Variants in PLCG2 observed in about 807,000 individuals in gnomAD.
The protein encoded by PLCG2 is phospholipase C gamma 2.
In PLCG2, 69 loss-of-function variants were observed where a neutral mutation model predicts 175.6. The observed-to-expected ratio is 0.39, with a 90% CI of 0.32 to 0.48. The LOEUF is 0.48. Ranked by LOEUF, PLCG2 falls within the 20% of genes least tolerant of loss-of-function variation. The pLI is 0.91. For missense variants in PLCG2, 1,798 were observed against 1,650.9 expected (o/e 1.09, Z -1.54); for synonymous variants, 827 against 624.0 (o/e 1.33, Z -4.85).
At chr16:81,925,289 TCCAA>T (rs1180970791) in intron 22 of PLCG2, among the ~76,000 whole-genome samples, 1 of 152,082 alleles carries the variant, frequency 6.6e-6, no homozygotes, top group Non-Finnish European at 1.5e-5. Context: ...TTTGCATACT[TCCAA>T]ACTGGTTCCC....
intron 2 of PLCG2, among the ~76,000 whole-genome samples, chr16:81,826,616 C>T (rs1471551089): frequency 6.6e-6 from 1 of 152,178 alleles, no homozygotes; most frequent in Non-Finnish European, 1.5e-5. Flanking sequence ...ATACTCAGTG[C>T]TTCAAATGGT....
chr16:81,896,255 G>A (rs982763370), intron 13 of PLCG2, among the ~76,000 whole-genome samples: 1 of 152,144 alleles, frequency 6.6e-6, no homozygotes, highest in African/African-American at 2.4e-5. Context: ...AAGGCTGGGC[G>A]CAGTGGCTCA....
chr16:81,899,270 G>GTATA (rs369588165), intron 13 of PLCG2, among the ~76,000 whole-genome samples: 1,743 of 147,676 alleles, frequency 0.012, 37 homozygotes, highest in African/African-American at 0.039. Context: ...GAGTATGTGT[G>GTATA]TATATATATA....
chr16:81,811,315 C>G (rs1904318445), intron 2 of PLCG2, among the ~76,000 whole-genome samples: 1 of 152,012 alleles, frequency 6.6e-6, no homozygotes, highest in South Asian at 2.1e-4. Flanking sequence ...GGTTAGTGCT[C>G]AGTTATGAGC....
At chr16:81,817,345 G>A (rs1351362214) in intron 2 of PLCG2, among the ~76,000 whole-genome samples, 3 of 152,226 alleles carry the variant, frequency 2.0e-5, no homozygotes, top group Admixed American at 1.3e-4. Flanking sequence ...GAATTAGTGC[G>A]TGTGAAGCAC....
In PLCG2 at chr16:81,962,527, G is replaced by A. The variant is rs1911814386; in HGVS notation, c.*4529G>A. 4.6e-6 allele frequency: 1 copy of A among 216,314 alleles called. No homozygotes were observed. Among genetic ancestry groups the A allele is most frequent in the Non-Finnish European group, 9.3e-6 (1 of 107,626 alleles). The allele number at this position is 216,314 out of a possible 1,614,324, so 13.4% of individuals were successfully genotyped here. A position where few individuals can be genotyped will look rare whatever the true frequency, so the allele number is the denominator to read the frequency against. ...TAAGAAGCTGCATTTGTAAACTTGTGTTTCATTATTAAAGCTTAATTTATT... is the reference window on the plus strand; with the variant it reads ...TAAGAAGCTGCATTTGTAAACTTGTATTTCATTATTAAAGCTTAATTTATT... On this transcript the variant is annotated 3_prime_UTR_variant, in exon 33 of 33. Transcript: ENST00000564138.
In PLCG2 at chr16:81,744,398, C is replaced by T. The variant is rs566409739; in HGVS notation, c.-145+5013C>T. 3.8e-3 allele frequency among the ~76,000 whole-genome samples: 572 copies of T among 152,200 alleles called. 4 individuals are homozygous for T. Among genetic ancestry groups the T allele is most frequent in the African/African-American group, 0.013 (551 of 41,506 alleles). On this transcript the variant is annotated intron_variant, in intron 1 of 5. Transcript: ENST00000565054. Reference sequence around the variant, plus strand: ...CAGGATGGTCTCAATCTCCTGACCTCTTGATCTGCCCGCCTTGCCCTCCCA... The same window carrying T: ...CAGGATGGTCTCAATCTCCTGACCTTTTGATCTGCCCGCCTTGCCCTCCCA...
chr16:81,789,866 T>A (rs561885093), intron 2 of PLCG2, among the ~76,000 whole-genome samples: 16 of 118,736 alleles, frequency 1.3e-4, no homozygotes, highest in East Asian at 3.6e-4. Context: ...TTGCCTCCCC[T>A]CTGTCATTTG....
intron 6 of PLCG2, among the ~76,000 whole-genome samples, chr16:81,870,125 A>G (rs1050145474): frequency 2.0e-5 from 3 of 152,232 alleles, no homozygotes; most frequent in Non-Finnish European, 4.4e-5. Flanking sequence ...CCAATAATAG[A>G]AAAAGAGAAA....
chr16:81,894,345 C>T lies in PLCG2; in HGVS notation c.1072+551C>T, dbSNP rs1291357522. On this transcript the variant is annotated intron_variant, in intron 12 of 32. Coordinates refer to ENST00000564138, the MANE Select transcript of PLCG2 (RefSeq NM_002661.5). ...TTGGGAGGCTGAGGTGGGAGGATCG[C>T]TTGAGCCCAGGAGGTTGAGGCTGTG... Among the ~76,000 whole-genome samples the T allele has an allele frequency of 3.9e-5, 6 of 152,198 alleles. No individual in the cohort carries two copies. The South Asian group carries it at 8.3e-4, about 21-fold the overall frequency.
intron 2 of PLCG2, among the ~76,000 whole-genome samples, chr16:81,807,163 G>T (rs544404030): frequency 1.3e-5 from 2 of 152,118 alleles, no homozygotes; most frequent in Non-Finnish European, 2.9e-5. Flanking sequence ...CTTGTTGAAC[G>T]TGGTGATTCA....
At chr16:81,951,476 G>A (rs1319747401) in intron 31 of PLCG2, among the ~76,000 whole-genome samples, 1 of 149,000 alleles carries the variant, frequency 6.7e-6, no homozygotes, top group South Asian at 2.3e-4. Context: ...GGATCTAGAT[G>A]GTTTTATAGC....
chr16:81,884,038 C>G (rs527259364), intron 9 of PLCG2, among the ~76,000 whole-genome samples: 2 of 152,256 alleles, frequency 1.3e-5, no homozygotes, highest in South Asian at 4.1e-4. Flanking sequence ...ACAGGGCAGC[C>G]CCCCCTACCC....
chr16:81,787,393 A>ATTTTTTTTT (rs67160306), intron 2 of PLCG2, among the ~76,000 whole-genome samples: 8,363 of 94,162 alleles, frequency 0.089, 1,044 homozygotes, highest in Non-Finnish European at 0.11. Flanking sequence ...GGATAATTTA[A>ATTTTTTTTT]TTTTTTTTTT....
intron 2 of PLCG2, among the ~76,000 whole-genome samples, chr16:81,759,849 G>A (rs958075045): frequency 2.0e-5 from 3 of 152,218 alleles, no homozygotes; most frequent in Admixed American, 1.3e-4. Context: ...AATGTAGGCC[G>A]GGCGTGGTGG....
At chr16:81,942,160 C>T (rs1910967666) in intron 30 of PLCG2, among the ~76,000 whole-genome samples, 1 of 152,156 alleles carries the variant, frequency 6.6e-6, no homozygotes, top group African/African-American at 2.4e-5. Context: ...GTGCTGAAAC[C>T]CCTTGGTTAC....
Position 81,959,813 on chromosome 16 carries a change from C to T in PLCG2, c.*1815C>T, listed in dbSNP as rs1194880076. 1 of 185,838 alleles carries T rather than the reference C, an allele frequency of 5.4e-6. No individual in the cohort carries two copies. Among genetic ancestry groups the T allele is most frequent in the Admixed American group, 6.2e-5 (1 of 16,092 alleles). 11.5% of individuals were successfully genotyped at this position (185,838 alleles called of 1,614,324 possible). On this transcript the variant is annotated 3_prime_UTR_variant, in exon 33 of 33. Coordinates refer to ENST00000564138, the MANE Select transcript of PLCG2 (RefSeq NM_002661.5). ...TATTGCACCTGGCATCTCCCCCAAC[C>T]CCTCTCAGCTCTGTTAGGACTTCCA...
At chr16:81,885,929 C>G (rs895668035) in intron 9 of PLCG2, among the ~76,000 whole-genome samples, 3 of 152,142 alleles carry the variant, frequency 2.0e-5, no homozygotes, top group Admixed American at 6.5e-5. Context: ...CAACCTGAGA[C>G]TAAGTTTGAG....
chr16:81,921,065 A>G (rs1235907955), intron 20 of PLCG2, 133 bp from the exon 21 acceptor site: 2 of 593,442 alleles, frequency 3.4e-6, no homozygotes, highest in Non-Finnish European at 5.9e-6. Flanking sequence ...ATGGGCCAAA[A>G]GAAAATTCTA....
Sources: gnomAD v4.1 joint callset for allele counts (sites outside exome capture counted in the v4.1 genomes callset) on GRCh38, gnomAD v4.1.1 for gene constraint, MANE v1.5 for transcripts, NCBI Gene and HGNC (gene_info 2026-07-23, HGNC 2026-07-21) for gene names.